The following CCDC88C variants were observed in gnomAD, a reference collection of about 807,000 sequenced individuals.
CCDC88C encodes protein Daple.
CCDC88C carries 131 observed loss-of-function variants against 198.8 expected under a neutral mutation model. The ratio of observed to expected loss-of-function variants is 0.66; its 90% CI spans 0.57 to 0.76. The LOEUF (loss-of-function observed/expected upper bound fraction) is 0.76. Ranked by LOEUF, CCDC88C falls within the 30% of genes least tolerant of loss-of-function variation. The probability of loss-of-function intolerance (pLI) is 0.00; values close to 1 mark genes in which losing one functional copy is unlikely to be tolerated. For synonymous variants in CCDC88C, 1,166 were observed against 1,114.7 expected, an observed-to-expected ratio of 1.05 and a Z score of -0.92; for missense variants, 2,553 against 2,631.6, an observed-to-expected ratio of 0.97 and a Z score of 0.65.
rs1415420645 is a variant in CCDC88C, at chr14:91,289,165, G to C, written c.4381C>G (p.Pro1461Ala). ...LRSQAENPDT[P>A]ALGSNCAEER... ...TCTGCACAGTTGGAGCCCAGTGCGG[G>C]GGTGTCGGGGTTCTCGGCCTGTGAT... Residue 1461 changes from proline (P) to alanine (A), a missense_variant, in exon 25 of 30, where the codon CCC becomes GCC. By Grantham distance (27) the Pro-to-Ala change is conservative (BLOSUM62 -1). This residue lies in a region of CCDC88C where 1,293 missense variants were observed against 1,219.6 expected (regional missense o/e 1.06). Transcript: ENST00000389857. 5 of 1,613,694 alleles carry C rather than the reference G, an allele frequency of 3.1e-6. No homozygotes were observed. The highest frequency in any genetic ancestry group is 4.2e-6 in the Non-Finnish European group (5 of 1,179,878).
rs775729880 is a variant in CCDC88C, at chr14:91,308,462, T to C, written c.2895A>G (p.Glu965=). 11 of 1,613,908 alleles carry C rather than the reference T, an allele frequency of 6.8e-6. No homozygotes were observed. In the African/African-American group the frequency reaches 9.3e-5, roughly 14 times the overall value. ...TGGCTAGTGTTGTTTTTAATGCTGA[T>C]TCATTTCTGCCCTCCAAAATCTTGT... is the stretch of plus-strand genomic sequence containing the variant. ...TKYKILEGRN[E]SALKTTLAMK... is the part of the protein sequence containing the mutation. Residue 965 remains glutamate (E), a synonymous_variant, in exon 17 of 30, where the codon GAA becomes GAG. Coordinates refer to ENST00000389857, the MANE Select transcript of CCDC88C (RefSeq NM_001080414.4).
Position 91,339,263 on chromosome 14 carries a change from C to T in CCDC88C, c.809+15G>A, listed in dbSNP as rs1465973501. 5.6e-6 allele frequency: 9 copies of T among 1,611,650 alleles called. No homozygotes were observed. Among genetic ancestry groups the T allele is most frequent in the Non-Finnish European group, 6.8e-6 (8 of 1,179,634 alleles). ...GCAACACACACAAAGGTAGGAGAAGCAGCCGGGGACTCACAGCTCCTGCCT... is the reference window on the plus strand; with the variant it reads ...GCAACACACACAAAGGTAGGAGAAGTAGCCGGGGACTCACAGCTCCTGCCT... On this transcript the variant is annotated intron_variant, in intron 8 of 29. Coordinates refer to ENST00000389857, the MANE Select transcript of CCDC88C (RefSeq NM_001080414.4). The surrounding 1 kb of genome is among the most constrained non-coding windows in gnomAD (Gnocchi z 5.8).
intron 25 of CCDC88C, among the ~76,000 whole-genome samples, chr14:91,286,643 A>AT (rs1243615232): frequency 2.0e-5 from 3 of 152,240 alleles, no homozygotes; most frequent in Non-Finnish European, 4.4e-5. Flanking sequence ...TGGTGGCCAC[A>AT]GTGGCTCACA....
chr14:91,408,503 G>A, intron 3 of CCDC88C, 156 bp downstream of exon 3: 1 of 636,868 alleles, frequency 1.6e-6, no homozygotes, highest in Non-Finnish European at 2.9e-6. Context: ...CCTCACACAT[G>A]CCCCAACAAA....
intron 29 of CCDC88C, among the ~76,000 whole-genome samples, chr14:91,275,770 G>A (rs1449438526): frequency 6.6e-6 from 1 of 150,596 alleles, no homozygotes; most frequent in Non-Finnish European, 1.5e-5. Context: ...GCCTCCCAAA[G>A]TGCTGGAATG....
Position 91,273,787 on chromosome 14 carries a change from CAT to C in CCDC88C, c.5059-136_5059-135del, listed in dbSNP as rs1567043803. 3.0e-6 allele frequency: 2 copies of C among 661,082 alleles called. No individual in the cohort carries two copies. The highest frequency in any genetic ancestry group is 6.7e-5 in the East Asian group (2 of 29,984). 41.0% of individuals were successfully genotyped at this position (661,082 alleles called of 1,614,324 possible). On this transcript the variant is annotated intron_variant, in intron 29 of 29. Coordinates refer to ENST00000389857, the MANE Select transcript of CCDC88C (RefSeq NM_001080414.4). The surrounding 1 kb of genome is among the most constrained non-coding windows in gnomAD (Gnocchi z 5.6). Reference sequence around the variant, plus strand: ...GTTCCTGCCTGCCTTCTCCGAGGCACATGTGCCGCCTCCACCACACACACCAG... The same window carrying C: ...GTTCCTGCCTGCCTTCTCCGAGGCACGTGCCGCCTCCACCACACACACCAG...
intron 6 of CCDC88C, among the ~76,000 whole-genome samples, chr14:91,340,995 T>TA (rs1196909372): frequency 6.6e-6 from 1 of 151,188 alleles, no homozygotes; most frequent in South Asian, 2.1e-4. Flanking sequence ...AGGCTGTCTC[T>TA]AAAAAAAAGA....
At chr14:91,293,379 C>CGT (rs1567055104) in intron 23 of CCDC88C, among the ~76,000 whole-genome samples, 2,731 of 91,288 alleles carry the variant, frequency 0.03, 103 homozygotes, top group Non-Finnish European at 0.038. Flanking sequence ...CCTTCCTGCC[C>CGT]CCTCGCCTGC....
At chr14:91,346,587 C>T (rs961803338) in intron 4 of CCDC88C, among the ~76,000 whole-genome samples, 2 of 152,038 alleles carry the variant, frequency 1.3e-5, no homozygotes, top group African/African-American at 4.8e-5. Flanking sequence ...AGCTATTCAT[C>T]AGCCACTTAA....
At chr14:91,322,980 G>A (rs938522910) in intron 12 of CCDC88C, among the ~76,000 whole-genome samples, 13 of 143,648 alleles carry the variant, frequency 9.0e-5, no homozygotes, top group Non-Finnish European at 1.3e-4. Context: ...ATCTTGGCTC[G>A]CTGCAACCTC....
intron 3 of CCDC88C, 84 bp from the exon 4 acceptor site, chr14:91,359,795 C>T (rs948167197): frequency 1.9e-5 from 24 of 1,260,538 alleles, no homozygotes; most frequent in Non-Finnish European, 2.5e-5. Context: ...AGTAATGAAG[C>T]CCCCGGACGG....
intron 2 of CCDC88C, among the ~76,000 whole-genome samples, chr14:91,415,970 A>G (rs1887025688): frequency 6.6e-6 from 1 of 152,132 alleles, no homozygotes; most frequent in Non-Finnish European, 1.5e-5. Flanking sequence ...TTTTGCTTCA[A>G]GTGCCTGTGA....
rs200488874 is a variant in CCDC88C, at chr14:91,273,134, G to C, written c.5578C>G (p.Arg1860Gly). 2 of 1,577,066 alleles carry C rather than the reference G, an allele frequency of 1.3e-6. No homozygotes were observed. The highest frequency in any genetic ancestry group is 1.7e-6 in the Non-Finnish European group (2 of 1,161,836). Reference sequence around the variant, plus strand: ...CCAGCCTTTCCCACAAGTGGGGTCCGCTCCCGGGCCAGGCTATGGGAGCTG... The same window carrying C: ...CCAGCCTTTCCCACAAGTGGGGTCCCCTCCCGGGCCAGGCTATGGGAGCTG... ...PPSSHSLARE[R>G]TPLVGKAGSS... The change falls in exon 30 of 30, where the codon CGG becomes GGG. Residue 1860 changes from arginine to glycine, a missense_variant. Transcript: ENST00000389857. This position sits in a 1 kb window ranked among gnomAD's most constrained non-coding sequence, Gnocchi z 5.6.
At chr14:91,304,455 G>A (rs561889116) in intron 19 of CCDC88C, among the ~76,000 whole-genome samples, 16 of 152,332 alleles carry the variant, frequency 1.1e-4, no homozygotes, top group Admixed American at 8.5e-4. Context: ...TGGGCATGGT[G>A]TTGTATGCCT....
At chr14:91,382,681 T>C (rs1306883995) in intron 3 of CCDC88C, among the ~76,000 whole-genome samples, 1 of 152,176 alleles carries the variant, frequency 6.6e-6, no homozygotes, top group South Asian at 2.1e-4. Flanking sequence ...CAGGCATGCA[T>C]AGATGCTCCC....
chr14:91,366,954 T>A (rs1489788010), intron 3 of CCDC88C, among the ~76,000 whole-genome samples: 2 of 152,144 alleles, frequency 1.3e-5, no homozygotes, highest in Middle Eastern at 6.3e-3. Flanking sequence ...GGGAGAAACA[T>A]TACAGTCCTG....
intron 22 of CCDC88C, among the ~76,000 whole-genome samples, chr14:91,295,013 A>G (rs1248676390): frequency 6.6e-6 from 1 of 152,176 alleles, no homozygotes; most frequent in Non-Finnish European, 1.5e-5. Flanking sequence ...GGAAAATCAC[A>G]GGCTTTGGAT....
chr14:91,287,180 A>G (rs539107366), intron 25 of CCDC88C, among the ~76,000 whole-genome samples: 1 of 152,248 alleles, frequency 6.6e-6, no homozygotes, highest in Non-Finnish European at 1.5e-5. Context: ...AGGAGCCAAT[A>G]TAAAAACCTG....
intron 18 of CCDC88C, 129 bp downstream of exon 18, chr14:91,306,909 C>T (rs183318347): frequency 1.5e-5 from 15 of 1,004,336 alleles, no homozygotes; most frequent in East Asian, 5.4e-5. Context: ...CAACTCAAGA[C>T]GTGTCCAACT....
Sources: allele counts gnomAD v4.1 joint callset (sites outside exome capture counted in the v4.1 genomes callset), GRCh38; gene constraint gnomAD v4.1.1; regional missense constraint gnomAD v4.1.1; non-coding constraint Gnocchi (gnomAD v3.1); transcripts MANE v1.5; gene names NCBI Gene and HGNC (gene_info 2026-07-23, HGNC 2026-07-21).